SERPINB3: variants seen among roughly 807,000 people sequenced by gnomAD.
SERPINB3 encodes serpin family B member 3.
Under a neutral mutation model 33.0 loss-of-function variants are expected in SERPINB3, and 33 were observed. The ratio of observed to expected loss-of-function variants is 1.00; its 90% CI spans 0.76 to 1.34. The LOEUF (loss-of-function observed/expected upper bound fraction) is 1.34, where lower values mean the gene tolerates loss of function less well. Among genes scored for constraint, SERPINB3 ranks in the 40% most tolerant of loss-of-function variants. SERPINB3 has a pLI of 0.00. For missense variants in SERPINB3, 518 were observed against 461.5 expected (o/e 1.12, Z -1.12); for synonymous variants, 200 against 170.9 (o/e 1.17, Z -1.33).
Position 63,655,449 on chromosome 18 carries a change from G to A in SERPINB3, c.*208C>T, listed in dbSNP as rs570302961. On this transcript the variant is annotated 3_prime_UTR_variant, in exon 8 of 8. Coordinates refer to ENST00000283752, the MANE Select transcript of SERPINB3 (RefSeq NM_006919.3). ...TTTTTCCTCAAGGAGAATTTTTCTG[G>A]AAGAAAAAGTACATTTATATGTGGG... 1.9e-6 allele frequency: 1 copy of A among 521,830 alleles called. No individual in the cohort carries two copies. Among genetic ancestry groups the A allele is most frequent in the South Asian group, 4.8e-5 (1 of 20,790 alleles). The allele number at this position is 521,830 out of a possible 1,614,324, so 32.3% of individuals were successfully genotyped here. A position where few individuals can be genotyped will look rare whatever the true frequency, so the allele number is the denominator to read the frequency against.
chr18:63,660,756 C>A, intron 3 of SERPINB3, 44 bp downstream of exon 3: 1 of 1,612,182 alleles, frequency 6.2e-7, no homozygotes, highest in Non-Finnish European at 8.5e-7. Context: ...AAACTATGAC[C>A]TGTTCGGGGA....
intron 5 of SERPINB3, among the ~76,000 whole-genome samples, 171 bp from the exon 6 acceptor site, chr18:63,657,583 T>G (rs555203717): frequency 6.6e-6 from 1 of 152,158 alleles, no homozygotes; most frequent in Non-Finnish European, 1.5e-5. Flanking sequence ...GTTCACCAGA[T>G]GCAGCTTTCT....
In SERPINB3 at chr18:63,655,883, C is replaced by A. The variant is rs768646518; in HGVS notation, c.947G>T (p.Gly316Val). 4.3e-6 allele frequency: 7 copies of A among 1,613,944 alleles called. No homozygotes were observed. The highest frequency in any genetic ancestry group is 5.9e-6 in the Non-Finnish European group (7 of 1,179,940). The change falls in exon 8 of 8, where the codon GGC becomes GTC. Residue 316 changes from glycine to valine, a missense_variant. Physicochemically the swap from Gly to Val is moderately radical, Grantham distance 109. Coordinates refer to ENST00000283752, the MANE Select transcript of SERPINB3 (RefSeq NM_006919.3). The part of the protein sequence containing the change: ...DIFNGDADLS[G>V]MTGSRGLVLS... ...CACGAGACCGCGGCTCCCGGTCATG[C>A]CTGAGAGGTCTGCATCCCCATTGAA...
Position 63,655,433 on chromosome 18 carries a change from AAGG to A in SERPINB3, c.*221_*223del. Reference sequence around the variant, plus strand: ...CATCTTATTTTGGACATTTTTCCTCAAGGAGAATTTTTCTGGAAGAAAAAGTAC... The same window carrying A: ...CATCTTATTTTGGACATTTTTCCTCAAGAATTTTTCTGGAAGAAAAAGTAC... On this transcript the variant is annotated 3_prime_UTR_variant, in exon 8 of 8. Coordinates refer to ENST00000283752, the MANE Select transcript of SERPINB3 (RefSeq NM_006919.3). The A allele has an allele frequency of 2.1e-6, 1 of 486,160 alleles. No individual in the cohort carries two copies. Among genetic ancestry groups the A allele is most frequent in the South Asian group, 4.7e-5 (1 of 21,100 alleles). 30.1% of individuals were successfully genotyped at this position (486,160 alleles called of 1,614,324 possible). A position where few individuals can be genotyped will look rare whatever the true frequency, so the allele number is the denominator to read the frequency against.
Position 63,659,428 on chromosome 18 carries a change from A to G in SERPINB3, c.322T>C (p.Phe108Leu), listed in dbSNP as rs1913584162. Residue 108 changes from phenylalanine (F) to leucine (L), a missense_variant, in exon 4 of 8, where the codon TTC (phenylalanine) becomes CTC (leucine). By Grantham distance (22) the Phe-to-Leu change is conservative. Transcript: ENST00000283752. Reference sequence around the variant, plus strand: ...AAAAATAGATACGTTTTTTCTCCGAAGAGCTTGTTGGCGATCTTCAGCTCA... The same window carrying G: ...AAAAATAGATACGTTTTTTCTCCGAGGAGCTTGTTGGCGATCTTCAGCTCA... ...AYELKIANKL[F>L]GEKTYLFLQE... The G allele has an allele frequency of 6.2e-7, 1 of 1,613,486 alleles. No individual in the cohort carries two copies. The highest frequency in any genetic ancestry group is 8.5e-7 in the Non-Finnish European group (1 of 1,179,644).
At chr18:63,660,568 C>G (rs984444463) in intron 3 of SERPINB3, among the ~76,000 whole-genome samples, 2 of 152,134 alleles carry the variant, frequency 1.3e-5, no homozygotes, top group African/African-American at 4.8e-5. Context: ...TGAACCTAGC[C>G]TATCCTGATC....
chr18:63,655,390 A>T lies in SERPINB3; in HGVS notation c.*267T>A, dbSNP rs568487254. On this transcript the variant is annotated 3_prime_UTR_variant, in exon 8 of 8. Coordinates refer to ENST00000283752, the MANE Select transcript of SERPINB3 (RefSeq NM_006919.3). ...CAGAATTATATTTCAAATTTAGAAG[A>T]TACGGTATTAAGTGATTCATCTTAT... 3 of 356,396 alleles carry T rather than the reference A, an allele frequency of 8.4e-6. No homozygotes were observed. In the Admixed American group the frequency reaches 1.3e-4, roughly 15 times the overall value. The allele number at this position is 356,396 out of a possible 1,614,324, so 22.1% of individuals were successfully genotyped here. A position where few individuals can be genotyped will look rare whatever the true frequency, so the allele number is the denominator to read the frequency against.
chr18:63,656,211 C>A (rs1237269574), intron 7 of SERPINB3, 150 bp from the exon 8 acceptor site: 1 of 948,270 alleles, frequency 1.1e-6, no homozygotes, highest in Non-Finnish European at 1.5e-6. Flanking sequence ...TTCTAATAGG[C>A]AAAATATGAG....
rs576040674 is a variant in SERPINB3, at chr18:63,659,472, T to C, written c.278A>G (p.Asn93Ser). 9 of 1,613,642 alleles carry C rather than the reference T, an allele frequency of 5.6e-6. No homozygotes were observed. Among genetic ancestry groups the C allele is most frequent in the Middle Eastern group, 1.7e-4 (1 of 6,054 alleles). The part of the protein sequence containing the change: ...HQFQKLLTEF[N>S]KSTDAYELKI... ...CAGCTCATATGCATCAGTGGATTTGTTGAATTCAGTCAGAAGCTTTTGAAA... is the reference window on the plus strand; with the variant it reads ...CAGCTCATATGCATCAGTGGATTTGCTGAATTCAGTCAGAAGCTTTTGAAA... The change falls in exon 4 of 8, where the codon AAC becomes AGC. Residue 93 changes from asparagine to serine, a missense_variant. Transcript: ENST00000283752.
In SERPINB3 at chr18:63,660,875, G is replaced by C; in HGVS notation, c.166-19C>G. The C allele has an allele frequency of 6.2e-7, 1 of 1,613,142 alleles. No homozygotes were observed. The highest frequency in any genetic ancestry group is 8.5e-7 in the Non-Finnish European group (1 of 1,179,536). On this transcript the variant is annotated intron_variant, in intron 2 of 7. Transcript: ENST00000283752. ...GAAGAACCTGGAAGAGACATGAAGC[G>C]GGACAAGAAAACTTTACTCAAAAGA... is the stretch of plus-strand genomic sequence containing the variant.
Position 63,661,143 on chromosome 18 carries a change from T to G in SERPINB3, c.74A>C (p.Asn25Thr), listed in dbSNP as rs372277533. Reference protein sequence around the residue: ...LFQQFRKSKENNIFYSPISIT... With the variant: ...LFQQFRKSKETNIFYSPISIT... ...GCTGATAGGGGAATAGAAGATGTTG[T>G]TCTCTTTTGATTTTCTGAACTGTTG... Residue 25 changes from asparagine to threonine, a missense_variant, in exon 2 of 8, where the codon AAC becomes ACC. Transcript: ENST00000283752. 7 of 1,613,562 alleles carry G rather than the reference T, an allele frequency of 4.3e-6. No individual in the cohort carries two copies. The African/African-American group carries it at 9.3e-5, about 22-fold the overall frequency.
Position 63,661,055 on chromosome 18 carries a change from C to T in SERPINB3, c.162G>A (p.Lys54=), listed in dbSNP as rs751332591. The T allele has an allele frequency of 1.1e-5, 18 of 1,613,460 alleles. No individual in the cohort carries two copies. The South Asian group carries it at 2.0e-4, about 18-fold the overall frequency. Residue 54 remains lysine (K), a synonymous_variant, in exon 2 of 8, where the codon AAG becomes AAA. Transcript: ENST00000283752. ...GAKDNTAQQI[K]KVLHFDQVTE... ...ACATAATGATGCTGATAGCTACCTT[C>T]TTAATCTGTTGTGCAGTGTTGTCTT...
At chr18:63,656,364 TG>T (rs879869310) in intron 7 of SERPINB3, among the ~76,000 whole-genome samples, 10 of 152,308 alleles carry the variant, frequency 6.6e-5, no homozygotes, top group Admixed American at 1.3e-4. Context: ...TTGTACACAA[TG>T]AACTATATAT....
rs1283122428 is a variant in SERPINB3 at position 63,657,422 on chromosome 18, A to G, written c.470-10T>C. The G allele has an allele frequency of 3.2e-6, 5 of 1,584,272 alleles. No homozygotes were observed. The highest frequency in any genetic ancestry group is 1.4e-5 in the African/African-American group (1 of 73,666). On this transcript the variant is annotated splice_polypyrimidine_tract_variant and intron_variant, in intron 5 of 7. Transcript: ENST00000283752. ...AGGTTTTTAATTTTTTCTGCAAGGG[A>G]AAGAATAAAAGAGTCTTTTACACAA... is the stretch of plus-strand genomic sequence containing the variant.
At chr18:63,657,976 T>C (rs1913542907) in intron 5 of SERPINB3, among the ~76,000 whole-genome samples, 1 of 151,752 alleles carries the variant, frequency 6.6e-6, no homozygotes. Flanking sequence ...GTAGGATAGA[T>C]GTCTATAGAA....
intron 3 of SERPINB3, among the ~76,000 whole-genome samples, chr18:63,660,524 A>T (rs1008303359): frequency 3.9e-5 from 6 of 152,110 alleles, no homozygotes; most frequent in Admixed American, 2.6e-4. Context: ...TGTCCTGCTC[A>T]TGTTCACCAT....
At position 63,659,420 on chromosome 18, in the gene SERPINB3, T is replaced by C. The variant is rs141957656; in HGVS notation, c.330A>G (p.Glu110=). 4 of 1,613,462 alleles carry C rather than the reference T, an allele frequency of 2.5e-6. No individual in the cohort carries two copies. The African/African-American group carries it at 5.3e-5, about 22-fold the overall frequency. ...TTACCTGTAAAAATAGATACGTTTT[T>C]TCTCCGAAGAGCTTGTTGGCGATCT... is the stretch of plus-strand genomic sequence containing the variant. ...ELKIANKLFG[E]KTYLFLQEYL... The change falls in exon 4 of 8, where the codon GAA becomes GAG. Residue 110 remains glutamate, a synonymous_variant. Coordinates refer to ENST00000283752, the MANE Select transcript of SERPINB3 (RefSeq NM_006919.3).
At chr18:63,659,636 C>T in intron 3 of SERPINB3, 109 bp from the exon 4 acceptor site, 2 of 1,430,710 alleles carry the variant, frequency 1.4e-6, no homozygotes, top group Non-Finnish European at 9.6e-7. Context: ...TCAATGAGGA[C>T]CTTTGAGCTT....
rs1913464962 is a variant in SERPINB3 at position 63,655,379 on chromosome 18, A to C, written c.*278T>G. On this transcript the variant is annotated 3_prime_UTR_variant, in exon 8 of 8. Coordinates refer to ENST00000283752, the MANE Select transcript of SERPINB3 (RefSeq NM_006919.3). ...CAGGTCACAAACAGAATTATATTTCAAATTTAGAAGATACGGTATTAAGTG... is the reference window on the plus strand; with the variant it reads ...CAGGTCACAAACAGAATTATATTTCCAATTTAGAAGATACGGTATTAAGTG... 3.2e-6 allele frequency: 1 copy of C among 312,384 alleles called. No individual in the cohort carries two copies. Among genetic ancestry groups the C allele is most frequent in the African/African-American group, 2.1e-5 (1 of 47,134 alleles). 19.4% of individuals were successfully genotyped at this position (312,384 alleles called of 1,614,324 possible). A position where few individuals can be genotyped will look rare whatever the true frequency, so the allele number is the denominator to read the frequency against.
Sources: allele counts gnomAD v4.1 joint callset (sites outside exome capture counted in the v4.1 genomes callset), GRCh38; gene constraint gnomAD v4.1.1; transcripts MANE v1.5; gene names NCBI Gene and HGNC (gene_info 2026-07-23, HGNC 2026-07-21).